Variants in PDE4D observed in about 807,000 individuals in gnomAD.
The protein encoded by PDE4D is 3',5'-cyclic-AMP phosphodiesterase 4D.
A neutral mutation model predicts 87.4 loss-of-function variants in PDE4D; 24 were observed. The ratio of observed to expected loss-of-function variants is 0.27; its 90% confidence interval spans 0.20 to 0.39. The LOEUF (loss-of-function observed/expected upper bound fraction) is 0.39, where lower values mean the gene tolerates loss of function less well. Among genes scored for constraint, PDE4D ranks in the 10% least tolerant of loss-of-function variants. The pLI is 1.00. For missense variants in PDE4D, 714 were observed against 1,041.0 expected, an observed-to-expected ratio of 0.69 and a Z score of 4.32; for synonymous variants, 384 against 383.2, an observed-to-expected ratio of 1.00 and a Z score of -0.02.
At chr5:59,815,289 T>C (rs953731333) in intron 1 of PDE4D, among the ~76,000 whole-genome samples, 1 of 152,210 alleles carries the variant, frequency 6.6e-6, no homozygotes, top group African/African-American at 2.4e-5. Flanking sequence ...GATTTTAGTA[T>C]TGGTCCCTGA....
At chr5:59,462,514 C>T (rs1292118743) in intron 1 of PDE4D, among the ~76,000 whole-genome samples, 2 of 152,124 alleles carry the variant, frequency 1.3e-5, no homozygotes, top group East Asian at 3.9e-4. Context: ...CAGATGAGTA[C>T]AACCCCATAT....
At chr5:59,103,677 G>C (rs1300217003) in intron 5 of PDE4D, among the ~76,000 whole-genome samples, 1 of 152,104 alleles carries the variant, frequency 6.6e-6, no homozygotes, top group Non-Finnish European at 1.5e-5. Context: ...CTGACCCCTG[G>C]TTTGAGACGA....
At chr5:59,271,908 C>T (rs1189410931) in intron 1 of PDE4D, among the ~76,000 whole-genome samples, 2 of 151,472 alleles carry the variant, frequency 1.3e-5, no homozygotes, top group Admixed American at 6.6e-5. Context: ...ACCTTCACTC[C>T]TACCATTTTT....
At chr5:60,357,220 C>T (rs1583512801) in intron 1 of PDE4D, among the ~76,000 whole-genome samples, 1 of 151,822 alleles carries the variant, frequency 6.6e-6, no homozygotes, top group African/African-American at 2.4e-5. Flanking sequence ...TTAGGTGAGG[C>T]CCCAAAAATC....
chr5:60,189,280 T>C (rs1232120316), intron 1 of PDE4D, among the ~76,000 whole-genome samples: 1 of 152,242 alleles, frequency 6.6e-6, no homozygotes, highest in African/African-American at 2.4e-5. Context: ...TACATTTTGC[T>C]GTGTCAATGC....
At chr5:60,306,998 T>C (rs1188934482) in intron 1 of PDE4D, among the ~76,000 whole-genome samples, 2 of 152,176 alleles carry the variant, frequency 1.3e-5, no homozygotes, top group Non-Finnish European at 2.9e-5. Context: ...TTTGTGGTTT[T>C]TGCCATTAAA....
At chr5:59,990,025 G>A (rs1476765155) in intron 2 of PDE4D, among the ~76,000 whole-genome samples, 1 of 152,100 alleles carries the variant, frequency 6.6e-6, no homozygotes, top group African/African-American at 2.4e-5. Context: ...CTCATATATG[G>A]CAATTTCCTT....
At position 60,113,571 on chromosome 5, in the gene PDE4D, G is replaced by T. The variant is rs139877551; in HGVS notation, c.42+71986C>A. 9.0e-4 allele frequency among the ~76,000 whole-genome samples: 137 copies of T among 152,212 alleles called. 1 individual carries two copies. Among genetic ancestry groups the T allele is most frequent in the Non-Finnish European group, 1.5e-3 (105 of 67,988 alleles). ...ACCATAGTTGCTCACCATGTGTCCA[G>T]TCCTTTGGGGGCCATACATGGTTAC... On this transcript the variant is annotated intron_variant, in intron 2 of 16. Coordinates refer to the PDE4D transcript ENST00000502484.
intron 3 of PDE4D, among the ~76,000 whole-genome samples, chr5:59,966,239 C>T (rs1760032661): frequency 6.6e-6 from 1 of 152,186 alleles, no homozygotes; most frequent in Non-Finnish European, 1.5e-5. Flanking sequence ...ATCCAATATA[C>T]TTCAAATCCT....
intron 1 of PDE4D, among the ~76,000 whole-genome samples, chr5:59,395,665 A>G (rs1789257762): frequency 7.1e-6 from 1 of 140,998 alleles, no homozygotes; most frequent in Admixed American, 7.1e-5. Flanking sequence ...AACTCTAAAA[A>G]TCAGAGCGCC....
intron 1 of PDE4D, among the ~76,000 whole-genome samples, chr5:59,595,923 A>G (rs1025372855): frequency 2.0e-5 from 3 of 152,072 alleles, no homozygotes; most frequent in African/African-American, 4.8e-5. Context: ...AATGGAATAC[A>G]ATGTGTGGTC....
chr5:59,673,475 T>C (rs563073750), intron 1 of PDE4D, among the ~76,000 whole-genome samples: 3 of 152,236 alleles, frequency 2.0e-5, no homozygotes, highest in Non-Finnish European at 4.4e-5. Flanking sequence ...TTACTCCCTT[T>C]TTGAATGCAA....
chr5:60,238,048 T>G (rs1293809287), intron 1 of PDE4D, among the ~76,000 whole-genome samples: 1 of 151,978 alleles, frequency 6.6e-6, no homozygotes, highest in Non-Finnish European at 1.5e-5. Context: ...TTTTAATTAT[T>G]TTACTGCCTA....
At chr5:59,468,119 C>A (rs1801862184) in intron 1 of PDE4D, among the ~76,000 whole-genome samples, 1 of 152,116 alleles carries the variant, frequency 6.6e-6, no homozygotes, top group Non-Finnish European at 1.5e-5. Context: ...AGCTCAGAAC[C>A]AAAGGCTGTT....
At chr5:59,106,841 A>C (rs1163155883) in intron 5 of PDE4D, among the ~76,000 whole-genome samples, 1 of 152,192 alleles carries the variant, frequency 6.6e-6, no homozygotes, top group East Asian at 1.9e-4. Flanking sequence ...CAAGACAAAA[A>C]TCCAGGTTTG....
chr5:59,419,316 T>C (rs1394348413), intron 1 of PDE4D, among the ~76,000 whole-genome samples: 1 of 152,198 alleles, frequency 6.6e-6, no homozygotes, highest in East Asian at 1.9e-4. Flanking sequence ...TTTTGAAGGC[T>C]AAGAATTTTT....
At chr5:59,687,223 T>C (rs771194331) in intron 1 of PDE4D, among the ~76,000 whole-genome samples, 1 of 151,894 alleles carries the variant, frequency 6.6e-6, no homozygotes, top group Non-Finnish European at 1.5e-5. Flanking sequence ...TACCCTCTAG[T>C]AGAATGCCAC....
chr5:59,021,577 A>C (rs1033496397), intron 6 of PDE4D, among the ~76,000 whole-genome samples: 1 of 152,178 alleles, frequency 6.6e-6, no homozygotes, highest in African/African-American at 2.4e-5. Context: ...TACATAATTT[A>C]TGTAAGTTTT....
At chr5:59,966,479 A>T (rs1284344172) in intron 3 of PDE4D, among the ~76,000 whole-genome samples, 4 of 152,232 alleles carry the variant, frequency 2.6e-5, no homozygotes, top group Non-Finnish European at 5.9e-5. Context: ...TTGCTTGTGC[A>T]TACAAAATGC....
Sources: gnomAD v4.1 joint callset for allele counts (sites outside exome capture counted in the v4.1 genomes callset) on GRCh38, gnomAD v4.1.1 for gene constraint, MANE v1.5 for transcripts, NCBI Gene and HGNC (gene_info 2026-07-23, HGNC 2026-07-21) for gene names.